CUX2: variants seen among roughly 807,000 people sequenced by gnomAD.
CUX2 encodes the protein homeobox protein cut-like 2.
Under a neutral mutation model 144.8 loss-of-function variants are expected in CUX2, and 40 were observed. That is an observed-to-expected ratio of 0.28 (90% CI 0.21 to 0.36). The LOEUF (loss-of-function observed/expected upper bound fraction) is 0.36. Ranked by LOEUF, CUX2 falls within the 10% of genes least tolerant of loss-of-function variation. The probability of loss-of-function intolerance (pLI) is 1.00; values close to 1 mark genes in which losing one functional copy is unlikely to be tolerated. For missense variants in CUX2, 1,615 were observed against 1,994.0 expected (o/e 0.81, Z 3.62); for synonymous variants, 827 against 875.6 (o/e 0.94, Z 0.98).
chr12:111,320,579 C>T lies in CUX2; in HGVS notation c.2570C>T (p.Ala857Val), dbSNP rs1321137975. 3 of 1,530,386 alleles carry T rather than the reference C, an allele frequency of 2.0e-6. No homozygotes were observed. Among genetic ancestry groups the T allele is most frequent in the Non-Finnish European group, 2.6e-6 (3 of 1,146,998 alleles). The allele number at this position is 1,530,386 out of a possible 1,614,324, so 94.8% of individuals were successfully genotyped here. The change falls in exon 17 of 22, where the codon GCG (alanine) becomes GTG (valine). Residue 857 changes from alanine (A) to valine (V), a missense_variant. This residue lies in a region of CUX2 where 390 missense variants were observed against 387.1 expected (regional missense o/e 1.01). Transcript: ENST00000261726. The surrounding 1 kb of genome is among the most constrained non-coding windows in gnomAD (Gnocchi z 8.1). ...PRTGELKAEG[A>V]TAEAGARLPY... is the part of the protein sequence containing the mutation. ...ACGGGCGAGCTCAAGGCTGAGGGCG[C>T]GACGGCCGAGGCGGGCGCGCGGCTG... is the stretch of plus-strand genomic sequence containing the variant.
intron 9 of CUX2, among the ~76,000 whole-genome samples, chr12:111,300,139 C>A (rs1461087617): frequency 6.6e-6 from 1 of 152,160 alleles, no homozygotes; most frequent in Non-Finnish European, 1.5e-5. Context: ...TTTGTTGAGA[C>A]AGGCAGGGTC....
chr12:111,274,792 G>T (rs1166780037), intron 4 of CUX2, among the ~76,000 whole-genome samples: 1 of 152,138 alleles, frequency 6.6e-6, no homozygotes, highest in Non-Finnish European at 1.5e-5. Context: ...ATTTTGGAGG[G>T]GTGCACGCAT....
Position 111,280,359 on chromosome 12 carries a change from A to AC in CUX2, c.302-11059_302-11058insC, listed in dbSNP as rs575486549. ...GACAACGAAGGCTGAGATCGAAGTCATGCAGCTGCAAGCCAAGGAAAGCCA... is the reference window on the plus strand; with the variant it reads ...GACAACGAAGGCTGAGATCGAAGTCACTGCAGCTGCAAGCCAAGGAAAGCCA... On this transcript the variant is annotated intron_variant, in intron 4 of 21. Coordinates refer to ENST00000261726, the MANE Select transcript of CUX2 (RefSeq NM_015267.4). Among the ~76,000 whole-genome samples the AC allele has an allele frequency of 8.6e-4, 131 of 152,296 alleles. 1 individual carries two copies. Among genetic ancestry groups the AC allele is most frequent in the Middle Eastern group, 3.4e-3 (1 of 294 alleles).
chr12:111,156,985 CAAAA>C (rs1200398908), intron 1 of CUX2, among the ~76,000 whole-genome samples: 5 of 18,996 alleles, frequency 2.6e-4, no homozygotes, highest in Non-Finnish European at 4.4e-4. Context: ...AAACTTCTCT[CAAAA>C]AAAAAAAAAA....
At chr12:111,078,329 A>G (rs1871649008) in intron 1 of CUX2, among the ~76,000 whole-genome samples, 1 of 152,170 alleles carries the variant, frequency 6.6e-6, no homozygotes. Flanking sequence ...ATTGGGAGGA[A>G]GCAGAGAGGA....
At chr12:111,111,255 T>C (rs995790694) in intron 1 of CUX2, among the ~76,000 whole-genome samples, 1 of 151,968 alleles carries the variant, frequency 6.6e-6, no homozygotes, top group Non-Finnish European at 1.5e-5. Flanking sequence ...TGAGCCGAGA[T>C]TGCATCACTG....
chr12:111,238,730 A>G (rs1217232719), intron 3 of CUX2, among the ~76,000 whole-genome samples: 1 of 152,168 alleles, frequency 6.6e-6, no homozygotes, highest in African/African-American at 2.4e-5. Flanking sequence ...ACACACACAC[A>G]TGAATTCCAC....
intron 1 of CUX2, among the ~76,000 whole-genome samples, chr12:111,047,576 G>A (rs968606488): frequency 6.6e-6 from 1 of 152,110 alleles, no homozygotes; most frequent in Admixed American, 6.6e-5. Context: ...GGCAGGCTCT[G>A]GTGTCACCCT....
rs1592887069 is a variant in CUX2 at position 111,093,276 on chromosome 12, G to A, written c.63+59036G>A. On this transcript the variant is annotated intron_variant, in intron 1 of 21. Transcript: ENST00000261726. Reference sequence around the variant, plus strand: ...AAATGACACCTGTTTCAGGTTCCCAGCTTAGATGACCCCGACTCCAGTAGA... The same window carrying A: ...AAATGACACCTGTTTCAGGTTCCCAACTTAGATGACCCCGACTCCAGTAGA... Among the ~76,000 whole-genome samples, 2 of 152,256 alleles carry A rather than the reference G, an allele frequency of 1.3e-5. 1 individual carries two copies. Among genetic ancestry groups the A allele is most frequent in the East Asian group, 3.9e-4 (2 of 5,182 alleles).
intron 1 of CUX2, among the ~76,000 whole-genome samples, chr12:111,189,678 C>G (rs1015393896): frequency 6.6e-6 from 1 of 152,136 alleles, no homozygotes; most frequent in Non-Finnish European, 1.5e-5. Context: ...GCTTCTCAAA[C>G]GTTAATGTAC....
At chr12:111,094,462 C>T (rs972038356) in intron 1 of CUX2, among the ~76,000 whole-genome samples, 1 of 152,256 alleles carries the variant, frequency 6.6e-6, no homozygotes, top group African/African-American at 2.4e-5. Flanking sequence ...TGTCTTCCCC[C>T]TGTGCCCCGG....
intron 3 of CUX2, among the ~76,000 whole-genome samples, chr12:111,239,112 G>A (rs970442493): frequency 2.0e-5 from 3 of 152,090 alleles, no homozygotes; most frequent in African/African-American, 2.4e-5. Flanking sequence ...ACACTCAAAC[G>A]TTGGCCAAGA....
intron 3 of CUX2, among the ~76,000 whole-genome samples, chr12:111,256,135 C>T (rs973939562): frequency 6.6e-6 from 1 of 152,120 alleles, no homozygotes; most frequent in Non-Finnish European, 1.5e-5. Flanking sequence ...TCTCATCGCT[C>T]CTCTCCACGG....
chr12:111,328,504 C>G (rs1887919361), intron 18 of CUX2, among the ~76,000 whole-genome samples: 1 of 152,136 alleles, frequency 6.6e-6, no homozygotes, highest in East Asian at 1.9e-4. Flanking sequence ...CAAGGAAGCC[C>G]TGTCCTGTCC....
chr12:111,153,326 C>T (rs1166852311), intron 1 of CUX2, among the ~76,000 whole-genome samples: 1 of 152,232 alleles, frequency 6.6e-6, no homozygotes, highest in Non-Finnish European at 1.5e-5. Flanking sequence ...GACAGATTTA[C>T]AGTCATGCAT....
At chr12:111,331,169 A>G (rs6490055) in intron 18 of CUX2, among the ~76,000 whole-genome samples, 63,858 of 151,564 alleles carry the variant, frequency 0.42, 17,938 homozygotes, top group East Asian at 0.89. Context: ...CATTTCTTGC[A>G]CAAGGGGCAA....
chr12:111,152,749 G>C (rs1302911701), intron 1 of CUX2, among the ~76,000 whole-genome samples: 2 of 152,242 alleles, frequency 1.3e-5, no homozygotes, highest in African/African-American at 4.8e-5. Context: ...TGGCAGGCAG[G>C]GGTGCGGTGC....
At chr12:111,056,891 G>C (rs1029660355) in intron 1 of CUX2, among the ~76,000 whole-genome samples, 1 of 152,228 alleles carries the variant, frequency 6.6e-6, no homozygotes, top group Admixed American at 6.5e-5. Flanking sequence ...CTGAGCAGGA[G>C]AGTAGATGTG....
At chr12:111,042,356 A>G (rs1869789664) in intron 1 of CUX2, among the ~76,000 whole-genome samples, 1 of 152,188 alleles carries the variant, frequency 6.6e-6, no homozygotes, top group African/African-American at 2.4e-5. Context: ...CCTTGCTGCT[A>G]CAGATGCCTG....
Sources: allele counts gnomAD v4.1 joint callset (sites outside exome capture counted in the v4.1 genomes callset), GRCh38; gene constraint gnomAD v4.1.1; regional missense constraint gnomAD v4.1.1; non-coding constraint Gnocchi (gnomAD v3.1); transcripts MANE v1.5; gene names NCBI Gene and HGNC (gene_info 2026-07-23, HGNC 2026-07-21).